ZSWIM6: variants seen among roughly 807,000 people sequenced by gnomAD.
The protein encoded by ZSWIM6 is zinc finger SWIM-type containing 6.
In ZSWIM6, 9 loss-of-function variants were observed where a neutral mutation model predicts 113.2. The observed-to-expected ratio is 0.08, with a 90% CI of 0.05 to 0.14. ZSWIM6 has a LOEUF of 0.14. Among genes scored for constraint, ZSWIM6 ranks in the 10% least tolerant of loss-of-function variants. The probability of loss-of-function intolerance (pLI) is 1.00; values close to 1 mark genes in which losing one functional copy is unlikely to be tolerated. For synonymous variants in ZSWIM6, 611 were observed against 606.5 expected (o/e 1.01, Z -0.11); for missense variants, 1,162 against 1,552.2 (o/e 0.75, Z 4.22).
At chr5:61,502,111 C>A (rs116119589) in intron 4 of ZSWIM6, among the ~76,000 whole-genome samples, 2,334 of 152,050 alleles carry the variant, frequency 0.015, 26 homozygotes, top group Non-Finnish European at 0.026. Context: ...CATTTCTTAC[C>A]CTGAAGTGGC....
intron 2 of ZSWIM6, among the ~76,000 whole-genome samples, chr5:61,474,652 G>A (rs1022341586): frequency 3.3e-5 from 5 of 152,174 alleles, no homozygotes; most frequent in Admixed American, 3.3e-4. Context: ...GTGCTCAGTA[G>A]CCACATGTGG....
chr5:61,342,746 TA>T (rs1410584426), intron 1 of ZSWIM6, among the ~76,000 whole-genome samples: 2 of 152,216 alleles, frequency 1.3e-5, no homozygotes, highest in African/African-American at 2.4e-5. Context: ...TATTAGGATT[TA>T]AAAAAATTTT....
At chr5:61,409,094 TCCC>T (rs1746104931) in intron 1 of ZSWIM6, among the ~76,000 whole-genome samples, 86 of 115,456 alleles carry the variant, frequency 7.4e-4, no homozygotes, top group African/African-American at 1.4e-3. Flanking sequence ...TTTTTTTTTT[TCCC>T]GTTTTTGAAA....
intron 1 of ZSWIM6, among the ~76,000 whole-genome samples, chr5:61,470,566 A>G (rs1414870314): frequency 1.3e-5 from 2 of 152,206 alleles, no homozygotes; most frequent in African/African-American, 4.8e-5. Flanking sequence ...ATCGGAACAT[A>G]GATATTTAAA....
At chr5:61,532,369 A>G (rs1749460985) in intron 9 of ZSWIM6, among the ~76,000 whole-genome samples, 1 of 152,102 alleles carries the variant, frequency 6.6e-6, no homozygotes, top group Non-Finnish European at 1.5e-5. Flanking sequence ...TATTTTTCAG[A>G]TTTTTTCCCC....
chr5:61,508,931 T>C (rs753055635), intron 4 of ZSWIM6, among the ~76,000 whole-genome samples: 26 of 152,196 alleles, frequency 1.7e-4, no homozygotes, highest in Non-Finnish European at 3.4e-4. Context: ...AATTGTGAGA[T>C]ACAACGGTGT....
intron 10 of ZSWIM6, 82 bp from the exon 11 acceptor site, chr5:61,538,732 T>C (rs551762091): frequency 6.9e-7 from 1 of 1,457,436 alleles, no homozygotes; most frequent in Non-Finnish European, 9.2e-7. Flanking sequence ...CCCACTCCTC[T>C]GGCTTCTGTT....
At chr5:61,360,771 TTC>T (rs770157141) in intron 1 of ZSWIM6, among the ~76,000 whole-genome samples, 22 of 152,224 alleles carry the variant, frequency 1.4e-4, no homozygotes, top group Non-Finnish European at 2.5e-4. Context: ...TTATTTAAGC[TTC>T]TGTTTCTCTT....
intron 1 of ZSWIM6, chr5:61,391,639 A>G (rs562962192): frequency 5.0e-5 from 48 of 959,682 alleles, no homozygotes; most frequent in Middle Eastern, 2.9e-4. Flanking sequence ...TATCTCCACA[A>G]TGGTCACAGC....
chr5:61,446,511 C>T (rs1270220503), intron 1 of ZSWIM6, among the ~76,000 whole-genome samples: 2 of 152,138 alleles, frequency 1.3e-5, no homozygotes, highest in Non-Finnish European at 2.9e-5. Flanking sequence ...TATTTATCAA[C>T]AAAATCACAC....
rs574279299 is a variant in ZSWIM6, at chr5:61,380,136, C to T, written c.676+47188C>T. ...TGTCACCCAGGCTGGAGTGCAGTGG[C>T]GTGATCACAGCTTACTGTAACCTCC... is the stretch of plus-strand genomic sequence containing the variant. On this transcript the variant is annotated intron_variant, in intron 1 of 13. Coordinates refer to ENST00000252744, the MANE Select transcript of ZSWIM6 (RefSeq NM_020928.2). Among the ~76,000 whole-genome samples the T allele has an allele frequency of 5.3e-5, 8 of 151,988 alleles. 1 individual carries two copies. In the East Asian group the frequency reaches 1.2e-3, roughly 22 times the overall value.
intron 12 of ZSWIM6, among the ~76,000 whole-genome samples, chr5:61,540,121 G>T (rs1390529055): frequency 6.6e-6 from 1 of 152,140 alleles, no homozygotes; most frequent in African/African-American, 2.4e-5. Context: ...TCAGTTGTTA[G>T]GGTTAAATTT....
chr5:61,460,539 G>A (rs1430949673), intron 1 of ZSWIM6, among the ~76,000 whole-genome samples: 1 of 152,086 alleles, frequency 6.6e-6, no homozygotes, highest in African/African-American at 2.4e-5. Flanking sequence ...CTGTACTGTA[G>A]TTTCTCTTCT....
intron 2 of ZSWIM6, among the ~76,000 whole-genome samples, chr5:61,474,391 A>G (rs1252814944): frequency 6.6e-6 from 1 of 152,220 alleles, no homozygotes; most frequent in East Asian, 1.9e-4. Flanking sequence ...TAGAATATTA[A>G]CCACATGCAT....
At chr5:61,533,269 C>G (rs1749489742) in intron 9 of ZSWIM6, among the ~76,000 whole-genome samples, 1 of 152,170 alleles carries the variant, frequency 6.6e-6, no homozygotes, top group Non-Finnish European at 1.5e-5. Context: ...ACTGTAAATG[C>G]TAGAAGATTG....
intron 1 of ZSWIM6, among the ~76,000 whole-genome samples, chr5:61,422,227 T>G (rs1328052290): frequency 6.6e-6 from 1 of 152,220 alleles, no homozygotes; most frequent in African/African-American, 2.4e-5. Context: ...TTAATCCATT[T>G]TGATCTGATT....
chr5:61,370,809 AT>A (rs911322712), intron 1 of ZSWIM6, among the ~76,000 whole-genome samples: 487 of 150,718 alleles, frequency 3.2e-3, no homozygotes, highest in African/African-American at 9.7e-3. Flanking sequence ...TAGTTTTACA[AT>A]TTTTTTTTTG....
chr5:61,494,297 C>T lies in ZSWIM6; in HGVS notation c.1220C>T (p.Ala407Val). The T allele has an allele frequency of 6.4e-7, 1 of 1,550,986 alleles. No individual in the cohort carries two copies. Among genetic ancestry groups the T allele is most frequent in the Non-Finnish European group, 8.7e-7 (1 of 1,146,540 alleles). Reference protein sequence around the residue: ...EMLKMRDSNGARMLTLITEQF... With the variant: ...EMLKMRDSNGVRMLTLITEQF... ...TTAAAGATGAGGGACTCCAATGGGGCCCGCATGTTGACCTTGATAACAGAG... is the reference window on the plus strand; with the variant it reads ...TTAAAGATGAGGGACTCCAATGGGGTCCGCATGTTGACCTTGATAACAGAG... Residue 407 changes from alanine (A) to valine (V), a missense_variant, in exon 4 of 14, where the codon GCC becomes GTC. By Grantham distance (64) the Ala-to-Val change is moderately conservative. This residue lies in a region of ZSWIM6 where 96 missense variants were observed against 240.3 expected (regional missense o/e 0.40). Transcript: ENST00000252744.
Position 61,535,618 on chromosome 5 carries a change from C to A in ZSWIM6, c.2380C>A (p.Arg794=), listed in dbSNP as rs774164666. ...ATACAAAATTGCACTGAGAGCAATG[C>A]GGTATGTATTCACAGCCCAGCTGGG... ...LAYKIALRAM[R]LLVLESTAPS... is the part of the protein sequence containing the mutation. Residue 794 remains arginine (R), a splice_region_variant and synonymous_variant, in exon 10 of 14, where the codon CGG becomes AGG. Transcript: ENST00000252744. 2.6e-6 allele frequency: 4 copies of A among 1,550,976 alleles called. No individual in the cohort carries two copies. The South Asian group carries it at 4.8e-5, about 18-fold the overall frequency.
Sources: allele counts gnomAD v4.1 joint callset (sites outside exome capture counted in the v4.1 genomes callset), GRCh38; gene constraint gnomAD v4.1.1; regional missense constraint gnomAD v4.1.1; transcripts MANE v1.5; gene names NCBI Gene and HGNC (gene_info 2026-07-23, HGNC 2026-07-21).